CD200: variants seen among roughly 807,000 people sequenced by gnomAD.
CD200 encodes OX-2 membrane glycoprotein.
A neutral mutation model predicts 30.9 loss-of-function variants in CD200; 15 were observed. The observed-to-expected ratio is 0.49, with a 90% CI of 0.32 to 0.75. The LOEUF (loss-of-function observed/expected upper bound fraction) is 0.75, where lower values mean the gene tolerates loss of function less well. Ranked by LOEUF, CD200 falls within the 30% of genes least tolerant of loss-of-function variation. CD200 has a pLI of 0.03. For missense variants in CD200, 262 were observed against 324.2 expected (o/e 0.81, Z 1.47); for synonymous variants, 134 against 126.2 (o/e 1.06, Z -0.41).
intron 5 of CD200, among the ~76,000 whole-genome samples, chr3:112,353,109 C>T (rs1365326875): frequency 6.6e-6 from 1 of 152,122 alleles, no homozygotes; most frequent in Admixed American, 6.6e-5. Context: ...TCTATTAAAA[C>T]CCAGTGATTT....
At chr3:112,343,456 G>A (rs943296631) in intron 2 of CD200, among the ~76,000 whole-genome samples, 5 of 151,746 alleles carry the variant, frequency 3.3e-5, no homozygotes, top group African/African-American at 4.8e-5. Context: ...AGTACATGAC[G>A]CTACGGCTGG....
rs754801150 is a variant in CD200, at chr3:112,347,662, C to A, written c.526C>A (p.Arg176=). ...CCCCATGGTCTTCTGGAAGGTCCCT[C>A]GGTCAGGGATTGAAAATAGTACAGT... ...PAPMVFWKVP[R]SGIENSTVTL... Residue 176 remains arginine (R), a synonymous_variant, in exon 4 of 6, where the codon CGG becomes AGG. Transcript: ENST00000315711. The A allele has an allele frequency of 1.7e-5, 28 of 1,613,970 alleles. No individual in the cohort carries two copies. The highest frequency in any genetic ancestry group is 2.2e-5 in the Non-Finnish European group (26 of 1,179,990).
At position 112,349,828 on chromosome 3, in the gene CD200, T is replaced by A. The variant is rs74696398; in HGVS notation, c.802+9T>A. The A allele has an allele frequency of 6.5e-4, 1,027 of 1,588,568 alleles. 11 individuals carry two copies. In the East Asian group the frequency reaches 0.016, roughly 25 times the overall value. ...CCGGAATCAGGACCGAGGTGAGTTG[T>A]CACAGGGAGTTCAAAAAATGACATA... On this transcript the variant is annotated intron_variant, in intron 5 of 5. Coordinates refer to ENST00000315711, the MANE Select transcript of CD200 (RefSeq NM_005944.7).
chr3:112,350,068 G>C, intron 5 of CD200: 1 of 701,974 alleles, frequency 1.4e-6, no homozygotes, highest in Non-Finnish European at 1.8e-6. Flanking sequence ...TCAAACAATG[G>C]TGATAGAACC....
intron 5 of CD200, 153 bp downstream of exon 5, chr3:112,349,972 A>G: frequency 4.1e-6 from 4 of 985,370 alleles, no homozygotes; most frequent in Non-Finnish European, 4.8e-6. Flanking sequence ...CTGTTTTAAA[A>G]TGCGTCGGGG....
chr3:112,351,511 G>A (rs2081530559), intron 5 of CD200, among the ~76,000 whole-genome samples: 1 of 152,238 alleles, frequency 6.6e-6, no homozygotes, highest in African/African-American at 2.4e-5. Context: ...GTCATTCAAT[G>A]CCAATATCCG....
At chr3:112,359,964 A>G (rs1028182567) in intron 5 of CD200, among the ~76,000 whole-genome samples, 5 of 152,244 alleles carry the variant, frequency 3.3e-5, no homozygotes, top group Admixed American at 2.6e-4. Context: ...TAATCCAGCC[A>G]TGGAGGAGAC....
chr3:112,348,395 G>A (rs972344172), intron 4 of CD200, among the ~76,000 whole-genome samples: 1 of 152,114 alleles, frequency 6.6e-6, no homozygotes, highest in East Asian at 1.9e-4. Context: ...AAGTGCTTTC[G>A]TCACCCATTT....
intron 2 of CD200, among the ~76,000 whole-genome samples, chr3:112,341,641 A>G (rs1212330692): frequency 6.6e-6 from 1 of 152,190 alleles, no homozygotes; most frequent in East Asian, 1.9e-4. Context: ...GGTCCACAAC[A>G]TTCATCACAG....
intron 2 of CD200, among the ~76,000 whole-genome samples, chr3:112,342,365 C>CTT (rs770921423): frequency 3.7e-5 from 1 of 26,812 alleles, no homozygotes; most frequent in Admixed American, 4.9e-4. Flanking sequence ...TTCTTTCTTT[C>CTT]TTTCTTTCTT....
intron 1 of CD200, chr3:112,333,451 C>T: frequency 2.0e-6 from 2 of 985,366 alleles, no homozygotes; most frequent in South Asian, 9.4e-5. Context: ...TGCTGGCGTC[C>T]AGATTCTCCA....
At chr3:112,335,826 A>C in intron 1 of CD200, 1 of 784,824 alleles carries the variant, frequency 1.3e-6, no homozygotes, top group East Asian at 2.5e-5. Context: ...CTTCACCCAG[A>C]CCATGACAGC....
chr3:112,355,093 T>A (rs1044904319), intron 5 of CD200, among the ~76,000 whole-genome samples: 3 of 152,244 alleles, frequency 2.0e-5, no homozygotes, highest in Non-Finnish European at 4.4e-5. Flanking sequence ...AGAATATGGA[T>A]GTCTTTGGGG....
At position 112,340,988 on chromosome 3, in the gene CD200, A is replaced by G; in HGVS notation, c.94+5A>G. 1 of 1,595,408 alleles carries G rather than the reference A, an allele frequency of 6.3e-7. No individual in the cohort carries two copies. The highest frequency in any genetic ancestry group is 8.6e-7 in the Non-Finnish European group (1 of 1,163,530). On this transcript the variant is annotated splice_donor_5th_base_variant and intron_variant, in intron 2 of 5. Coordinates refer to ENST00000315711, the MANE Select transcript of CD200 (RefSeq NM_005944.7). ...TGGTGCTGTGCACAGCACAAGGTAA[A>G]GAAACTCAATTCCCCTGCTTGGAGC...
At chr3:112,349,647 T>TATTGCTTTATCA in intron 4 of CD200, 65 bp from the exon 5 acceptor site, 1 of 1,394,458 alleles carries the variant, frequency 7.2e-7, no homozygotes, top group Non-Finnish European at 9.8e-7. Flanking sequence ...AAAGCTCAAC[T>TATTGCTTTATCA]CTTTTTGCCT....
intron 1 of CD200, chr3:112,333,845 G>A (rs1296329253): frequency 3.0e-6 from 3 of 985,406 alleles, no homozygotes; most frequent in East Asian, 2.3e-4. Flanking sequence ...GCTTTGAAGG[G>A]TTAACCCCGG....
intron 5 of CD200, among the ~76,000 whole-genome samples, chr3:112,358,158 A>C (rs2081664345): frequency 1.3e-5 from 2 of 152,192 alleles, no homozygotes. Context: ...CATAACATGC[A>C]GTACGTGTTT....
intron 2 of CD200, among the ~76,000 whole-genome samples, chr3:112,343,072 T>C (rs1041057169): frequency 4.6e-5 from 7 of 152,128 alleles, no homozygotes; most frequent in African/African-American, 1.7e-4. Context: ...TTCTCTTTCA[T>C]TGTATTGACT....
intron 1 of CD200, chr3:112,333,771 C>A (rs1231366958): frequency 2.0e-6 from 2 of 985,396 alleles, no homozygotes; most frequent in Non-Finnish European, 1.2e-6. Context: ...CTGGGGGAAG[C>A]CATGAAGGAT....
Sources: allele counts gnomAD v4.1 joint callset (sites outside exome capture counted in the v4.1 genomes callset), GRCh38; gene constraint gnomAD v4.1.1; transcripts MANE v1.5; gene names NCBI Gene and HGNC (gene_info 2026-07-23, HGNC 2026-07-21).